The following ATF2 variants were observed in gnomAD, a reference collection of about 807,000 sequenced individuals.
The protein encoded by ATF2 is activating transcription factor 2.
ATF2 carries 24 observed loss-of-function variants against 60.6 expected under a neutral mutation model. That is an observed-to-expected ratio of 0.40 (90% CI 0.29 to 0.56). The LOEUF is 0.56. Ranked by LOEUF, ATF2 falls within the 20% of genes least tolerant of loss-of-function variation. The probability of loss-of-function intolerance (pLI) is 0.54; values close to 1 mark genes in which losing one functional copy is unlikely to be tolerated. For missense variants in ATF2, 433 were observed against 607.7 expected (o/e 0.71, Z 3.02); for synonymous variants, 206 against 215.4 (o/e 0.96, Z 0.38).
intron 10 of ATF2, among the ~76,000 whole-genome samples, chr2:175,102,761 GAA>G (rs758242891): frequency 1.5e-5 from 2 of 132,136 alleles, no homozygotes; most frequent in Non-Finnish European, 1.6e-5. Flanking sequence ...AAAAAAAGAG[GAA>G]AAAAAAAAAA....
At chr2:175,124,207 T>C (rs958505646) in intron 4 of ATF2, among the ~76,000 whole-genome samples, 1 of 151,244 alleles carries the variant, frequency 6.6e-6, no homozygotes, top group Non-Finnish European at 1.5e-5. Flanking sequence ...ACTGTAGATA[T>C]ACAAAGAAAC....
chr2:175,112,608 A>C (rs1696274998), intron 9 of ATF2, among the ~76,000 whole-genome samples: 1 of 152,240 alleles, frequency 6.6e-6, no homozygotes, highest in African/African-American at 2.4e-5. Flanking sequence ...TTTTTGAGAC[A>C]AGGTCTTACT....
chr2:175,079,323 C>G (rs3755488), intron 13 of ATF2, among the ~76,000 whole-genome samples: 10,325 of 152,070 alleles, frequency 0.068, 356 homozygotes, highest in East Asian at 0.12. Context: ...TCCTTTTAAA[C>G]TATGAAAATC....
chr2:175,079,581 C>T (rs1693623808), intron 13 of ATF2, among the ~76,000 whole-genome samples: 1 of 151,910 alleles, frequency 6.6e-6, no homozygotes, highest in African/African-American at 2.4e-5. Flanking sequence ...CAAAAATCAG[C>T]GTTCTAAATA....
chr2:175,074,835 G>A lies in ATF2; in HGVS notation c.1292C>T (p.Thr431Ile), dbSNP rs747963598. The part of the protein sequence containing the change: ...TAMQKKSGYH[T>I]ADKDDSSEDI... ...TTCTGAACTATCATCTTTATCAGCA[G>A]CTGGGTGGAAAAAAGAAAAATTATT... is the stretch of plus-strand genomic sequence containing the variant. The change falls in exon 14 of 14, where the codon ACT becomes ATT. Residue 431 changes from threonine to isoleucine, a missense_variant and splice_region_variant. By Grantham distance (89) the Thr-to-Ile change is moderately conservative (BLOSUM62 -1). Transcript: ENST00000264110. 2 of 1,613,290 alleles carry A rather than the reference G, an allele frequency of 1.2e-6. No homozygotes were observed. Among genetic ancestry groups the A allele is most frequent in the Admixed American group, 3.3e-5 (2 of 59,866 alleles).
rs976077145 is a variant in ATF2 at position 175,163,158 on chromosome 2, AATAAATAAATAAATAAATAAATAAATGC to A, written c.-143+4864_-143+4891del. On this transcript the variant is annotated intron_variant, in intron 1 of 13. Coordinates refer to ENST00000264110, the MANE Select transcript of ATF2 (RefSeq NM_001880.4). ...CAAAAAATAAATAAATAAATAAATAAATAAATAAATAAATAAATAAATAAATGCAAGCAAACATACTAGCCCGAACAGT... is the reference window on the plus strand; with the variant it reads ...CAAAAAATAAATAAATAAATAAATAAAAGCAAACATACTAGCCCGAACAGT... 4.5e-4 allele frequency among the ~76,000 whole-genome samples: 13 copies of A among 28,844 alleles called. No homozygotes were observed. The East Asian group carries it at 0.032, about 72-fold the overall frequency. 18.9% of individuals were successfully genotyped at this position (28,844 alleles called of 152,430 possible).
chr2:175,165,906 C>A (rs1700320404), intron 1 of ATF2, among the ~76,000 whole-genome samples: 2 of 152,150 alleles, frequency 1.3e-5, no homozygotes, highest in Non-Finnish European at 2.9e-5. Context: ...CCTCATGATC[C>A]GCCCCACTCG....
intron 11 of ATF2, among the ~76,000 whole-genome samples, chr2:175,097,006 AG>A (rs942369123): frequency 6.6e-6 from 1 of 152,226 alleles, no homozygotes; most frequent in Admixed American, 6.5e-5. Context: ...TTGGACAATA[AG>A]AAAACAAGAT....
intron 12 of ATF2, among the ~76,000 whole-genome samples, chr2:175,085,597 CAA>C (rs55874630): frequency 0.045 from 5,957 of 133,334 alleles, 114 homozygotes; most frequent in Middle Eastern, 0.057. Context: ...CACACACACA[CAA>C]ATTCTCTCTT....
intron 1 of ATF2, among the ~76,000 whole-genome samples, chr2:175,156,943 C>A (rs1354745712): frequency 6.6e-6 from 1 of 152,120 alleles, no homozygotes; most frequent in African/African-American, 2.4e-5. Context: ...TTGTGCCCCA[C>A]GACTTCAACA....
intron 12 of ATF2, among the ~76,000 whole-genome samples, chr2:175,082,578 T>C (rs1016845247): frequency 1.3e-5 from 2 of 152,190 alleles, no homozygotes; most frequent in African/African-American, 2.4e-5. Context: ...TGGATATTTA[T>C]TTTTACTCAA....
intron 5 of ATF2, 46 bp from the exon 6 acceptor site, chr2:175,118,415 A>C (rs1320656954): frequency 1.4e-6 from 2 of 1,475,848 alleles, no homozygotes; most frequent in Non-Finnish European, 1.9e-6. Flanking sequence ...AAATATGTTA[A>C]GACTCTAAAA....
intron 10 of ATF2, among the ~76,000 whole-genome samples, chr2:175,106,536 CAAA>C (rs879626875): frequency 7.0e-6 from 1 of 143,182 alleles, no homozygotes; most frequent in Admixed American, 7.0e-5. Context: ...AAAACAACAA[CAAA>C]AAAAAAAGAA....
chr2:175,107,563 TCTCCCC>T (rs1695760887), intron 10 of ATF2, among the ~76,000 whole-genome samples: 1 of 151,724 alleles, frequency 6.6e-6, no homozygotes, highest in African/African-American at 2.4e-5. Flanking sequence ...TCCCTCTCCC[TCTCCCC>T]ATGGTCTCCC....
At chr2:175,151,685 A>G (rs763446724) in intron 1 of ATF2, among the ~76,000 whole-genome samples, 2 of 152,264 alleles carry the variant, frequency 1.3e-5, no homozygotes, top group Middle Eastern at 3.4e-3. Context: ...GAAAACTCAA[A>G]ATAACAACGG....
intron 13 of ATF2, among the ~76,000 whole-genome samples, chr2:175,076,769 T>C (rs1489422274): frequency 1.3e-5 from 2 of 152,028 alleles, no homozygotes; most frequent in African/African-American, 4.8e-5. Context: ...AGTATTTATA[T>C]GTGATTTTTA....
At chr2:175,143,960 A>AT (rs1432898684) in intron 2 of ATF2, among the ~76,000 whole-genome samples, 1 of 151,908 alleles carries the variant, frequency 6.6e-6, no homozygotes, top group African/African-American at 2.4e-5. Context: ...TCTCCAGCTA[A>AT]TTTTTACATT....
At chr2:175,116,963 C>G in intron 7 of ATF2, among the ~76,000 whole-genome samples, 1 of 151,842 alleles carries the variant, frequency 6.6e-6, no homozygotes, top group East Asian at 1.9e-4. Flanking sequence ...GGGGAACTCT[C>G]TAATGACATG....
At chr2:175,134,442 T>C (rs1000883302) in intron 3 of ATF2, among the ~76,000 whole-genome samples, 6 of 150,414 alleles carry the variant, frequency 4.0e-5, no homozygotes, top group Non-Finnish European at 8.9e-5. Context: ...GAGTAAGAGA[T>C]TGAAAGAAAA....
Sources: gnomAD v4.1 joint callset for allele counts (sites outside exome capture counted in the v4.1 genomes callset) on GRCh38, gnomAD v4.1.1 for gene constraint, MANE v1.5 for transcripts, NCBI Gene and HGNC (gene_info 2026-07-23, HGNC 2026-07-21) for gene names.